Variants in ARHGEF33 observed in about 807,000 individuals in gnomAD.
ARHGEF33 encodes Rho guanine nucleotide exchange factor 33, also known as DH and coiled-coil domain-containing protein ENSP00000381780.
Under a neutral mutation model 101.9 loss-of-function variants are expected in ARHGEF33, and 72 were observed. The observed-to-expected ratio is 0.71, with a 90% confidence interval of 0.58 to 0.86. ARHGEF33 has a LOEUF of 0.86. ARHGEF33 is among the 40% of genes least tolerant of loss of function. The probability of loss-of-function intolerance (pLI) is 0.00; values close to 1 mark genes in which losing one functional copy is unlikely to be tolerated. For synonymous variants in ARHGEF33, 499 were observed against 442.5 expected, an observed-to-expected ratio of 1.13 and a Z score of -1.60; for missense variants, 1,169 against 1,111.3, an observed-to-expected ratio of 1.05 and a Z score of -0.74.
intron 4 of ARHGEF33, among the ~76,000 whole-genome samples, chr2:38,924,456 A>G (rs1193716780): frequency 6.6e-6 from 1 of 152,168 alleles, no homozygotes; most frequent in Admixed American, 6.5e-5. Flanking sequence ...TGATCCCATT[A>G]ACATGAGAGG....
chr2:38,956,950 G>A lies in ARHGEF33; in HGVS notation c.1273G>A (p.Val425Met), dbSNP rs1301781886. The A allele has an allele frequency of 1.3e-6, 2 of 1,552,338 alleles. No individual in the cohort carries two copies. Among genetic ancestry groups the A allele is most frequent in the South Asian group, 2.4e-5 (2 of 84,058 alleles). ...GCACCCTGACTATTATCTACTACTG[G>A]TGTGTGTCCAGCGCCTCCGAGTATT... Reference protein sequence around the residue: ...QEHPDYYLLLVCVQRLRVFIS... With the variant: ...QEHPDYYLLLMCVQRLRVFIS... The change falls in exon 14 of 18, where the codon GTG becomes ATG. Residue 425 changes from valine to methionine, a missense_variant. Coordinates refer to ENST00000409978, the MANE Select transcript of ARHGEF33 (RefSeq NM_001145451.5).
chr2:38,967,680 A>C (rs1668079818), intron 17 of ARHGEF33, among the ~76,000 whole-genome samples: 1 of 151,286 alleles, frequency 6.6e-6, no homozygotes, highest in Non-Finnish European at 1.5e-5. Flanking sequence ...GGTTCAGGCT[A>C]TTCTCCTGCC....
intron 12 of ARHGEF33, 81 bp downstream of exon 12, chr2:38,953,326 C>T (rs746605670): frequency 6.0e-5 from 49 of 818,198 alleles, no homozygotes; most frequent in Non-Finnish European, 8.9e-5. Context: ...GTCAATACAG[C>T]GCATGCACTG....
chr2:38,972,591 G>A (rs1484350439), intron 17 of ARHGEF33, among the ~76,000 whole-genome samples: 1 of 152,190 alleles, frequency 6.6e-6, no homozygotes, highest in Non-Finnish European at 1.5e-5. Flanking sequence ...CCAGACATTA[G>A]GGTTTTTAGT....
At chr2:38,957,391 G>C (rs961467848) in intron 14 of ARHGEF33, among the ~76,000 whole-genome samples, 2 of 152,186 alleles carry the variant, frequency 1.3e-5, no homozygotes, top group African/African-American at 4.8e-5. Context: ...TAATTCAACA[G>C]ATATTTATTG....
chr2:38,890,811 C>T (rs1365149630), intron 1 of ARHGEF33, among the ~76,000 whole-genome samples: 1 of 151,962 alleles, frequency 6.6e-6, no homozygotes, highest in Non-Finnish European at 1.5e-5. Flanking sequence ...AGAAATGTAT[C>T]CTAGAGAAAA....
At chr2:38,904,707 CAAAA>C (rs34383703) in intron 2 of ARHGEF33, among the ~76,000 whole-genome samples, 3 of 128,562 alleles carry the variant, frequency 2.3e-5, no homozygotes, top group African/African-American at 3.1e-5. Flanking sequence ...GACTCTGTAT[CAAAA>C]AAAAAAAAAA....
rs1667591052 is a variant in ARHGEF33 at position 38,951,106 on chromosome 2, G to A, written c.1038G>A (p.Lys346=). The part of the protein sequence containing the change: ...RQGVLGDLFL[K]LTNDENNFLD... ...GCGTTCTTGGAGATTTATTCCTTAA[G>A]TTAACAAATGACGAGGTAAGGTTTT... Residue 346 remains lysine, a synonymous_variant, in exon 11 of 18, where the codon AAG becomes AAA. Transcript: ENST00000409978. 7 of 1,551,670 alleles carry A rather than the reference G, an allele frequency of 4.5e-6. No individual in the cohort carries two copies. The highest frequency in any genetic ancestry group is 5.2e-6 in the Non-Finnish European group (6 of 1,146,928).
At chr2:38,938,530 C>T (rs1376134421) in intron 9 of ARHGEF33, among the ~76,000 whole-genome samples, 1 of 152,114 alleles carries the variant, frequency 6.6e-6, no homozygotes, top group African/African-American at 2.4e-5. Flanking sequence ...CAGAACAAGA[C>T]CCTAACTCAA....
chr2:38,902,722 G>A (rs1226283231), intron 2 of ARHGEF33, among the ~76,000 whole-genome samples: 3 of 152,128 alleles, frequency 2.0e-5, no homozygotes, highest in Admixed American at 6.6e-5. Context: ...CACTGGTTTA[G>A]GTCTTGGGGA....
intron 2 of ARHGEF33, among the ~76,000 whole-genome samples, chr2:38,913,269 A>G (rs1468791357): frequency 6.6e-6 from 1 of 152,204 alleles, no homozygotes; most frequent in Non-Finnish European, 1.5e-5. Context: ...CTGCGTAGAT[A>G]AATTTCTTTT....
At chr2:38,958,333 A>G (rs569356902) in intron 15 of ARHGEF33, 135 bp downstream of exon 15, 1 of 1,145,190 alleles carries the variant, frequency 8.7e-7, no homozygotes, top group Non-Finnish European at 1.2e-6. Context: ...CAAGCAGCCA[A>G]CCCGATTCTT....
intron 2 of ARHGEF33, among the ~76,000 whole-genome samples, chr2:38,896,288 G>A (rs1357150951): frequency 1.3e-5 from 2 of 152,028 alleles, no homozygotes; most frequent in African/African-American, 2.4e-5. Context: ...ACAGGCTCAC[G>A]CCACCATGCC....
chr2:38,960,093 C>T lies in ARHGEF33; in HGVS notation c.1788C>T (p.Arg596=). The T allele has an allele frequency of 1.3e-6, 2 of 1,541,950 alleles. No individual in the cohort carries two copies. The highest frequency in any genetic ancestry group is 1.7e-6 in the Non-Finnish European group (2 of 1,144,646). ...EPLGNVERSL[R]APAELLPDAR... Reference sequence around the variant, plus strand: ...TGGGCAACGTGGAGCGCTCCCTGCGCGCCCCGGCCGAGCTCCTGCCCGATG... The same window carrying T: ...TGGGCAACGTGGAGCGCTCCCTGCGTGCCCCGGCCGAGCTCCTGCCCGATG... The change falls in exon 16 of 18, where the codon CGC becomes CGT. Residue 596 remains arginine (R), a synonymous_variant. Coordinates refer to ENST00000409978, the MANE Select transcript of ARHGEF33 (RefSeq NM_001145451.5).
intron 10 of ARHGEF33, among the ~76,000 whole-genome samples, chr2:38,950,089 A>G (rs1227576395): frequency 1.3e-5 from 2 of 152,176 alleles, no homozygotes; most frequent in Non-Finnish European, 2.9e-5. Flanking sequence ...CACACATCCA[A>G]ACTGTATTAA....
rs577390924 is a variant in ARHGEF33, at chr2:38,944,922, C to A, written c.920+892C>A. Among the ~76,000 whole-genome samples, 737 of 148,590 alleles carry A rather than the reference C, an allele frequency of 5.0e-3. 6 individuals are homozygous for A. Among genetic ancestry groups the A allele is most frequent in the Non-Finnish European group, 7.9e-3 (536 of 67,630 alleles). ...GTGTGCGCGCTCATAGGGTCTGCCA[C>A]CTGTTGTAACAGCACGCTTTCCCAA... On this transcript the variant is annotated intron_variant, in intron 10 of 17. Transcript: ENST00000409978.
intron 16 of ARHGEF33, among the ~76,000 whole-genome samples, chr2:38,961,054 G>A (rs1399594596): frequency 6.6e-6 from 1 of 152,178 alleles, no homozygotes; most frequent in East Asian, 1.9e-4. Context: ...CAGGTCCCGG[G>A]CCAGTGTGTT....
chr2:38,924,496 T>C (rs553051555), intron 4 of ARHGEF33, among the ~76,000 whole-genome samples: 1 of 152,334 alleles, frequency 6.6e-6, no homozygotes, highest in East Asian at 1.9e-4. Context: ...ACAGATGTGG[T>C]AACTGCACAA....
intron 10 of ARHGEF33, among the ~76,000 whole-genome samples, chr2:38,947,792 T>C (rs969442938): frequency 6.6e-6 from 1 of 152,142 alleles, no homozygotes; most frequent in African/African-American, 2.4e-5. Flanking sequence ...TCCAGTGCTG[T>C]GTCCACCAAG....
Sources: gnomAD v4.1 joint callset for allele counts (sites outside exome capture counted in the v4.1 genomes callset) on GRCh38, gnomAD v4.1.1 for gene constraint, MANE v1.5 for transcripts, NCBI Gene and HGNC (gene_info 2026-07-23, HGNC 2026-07-21) for gene names.